Variants in SI observed in about 807,000 individuals in gnomAD.
SI encodes sucrase-isomaltase, intestinal.
In SI, 235 loss-of-function variants were observed where a neutral mutation model predicts 253.3. The observed-to-expected ratio is 0.93, with a 90% CI of 0.83 to 1.03. SI has a LOEUF of 1.03. SI is among the 50% of genes least tolerant of loss of function. The pLI, the probability that SI is intolerant of heterozygous loss-of-function variation, is 0.00. For missense variants in SI, 2,442 were observed against 2,211.1 expected (o/e 1.10, Z -2.09); for synonymous variants, 819 against 712.0 (o/e 1.15, Z -2.39).
the SI span, among the ~76,000 whole-genome samples, chr3:165,090,074 G>A: frequency 3.9e-5 from 6 of 151,916 alleles, no homozygotes; most frequent in South Asian, 1.0e-3. Context: ...AACCTTGAAT[G>A]TAATGGTATT....
chr3:165,003,047 A>G (rs1026211061), intron 37 of SI, among the ~76,000 whole-genome samples: 6 of 151,878 alleles, frequency 4.0e-5, no homozygotes, highest in Non-Finnish European at 8.8e-5. Flanking sequence ...ATATCTCTGC[A>G]TATGGACTAT....
rs1714188342 is a variant in SI, at chr3:165,065,404, A to G, written c.664T>C (p.Tyr222His). The change falls in exon 7 of 48, where the codon TAC becomes CAC. Residue 222 changes from tyrosine to histidine, a missense_variant. Coordinates refer to ENST00000264382, the MANE Select transcript of SI (RefSeq NM_001041.4). ...LFDTSIGPLV[Y>H]SDQYLQISTR... is the part of the protein sequence containing the mutation. ...GAGATCTGTAAGTACTGGTCAGAGTACACTAAGGGACCAATGCTGGTGTCA... is the reference window on the plus strand; with the variant it reads ...GAGATCTGTAAGTACTGGTCAGAGTGCACTAAGGGACCAATGCTGGTGTCA... 1.3e-6 allele frequency: 2 copies of G among 1,564,270 alleles called. No individual in the cohort carries two copies. Among genetic ancestry groups the G allele is most frequent in the Middle Eastern group, 1.8e-4 (1 of 5,548 alleles).
chr3:165,068,402 G>A (rs1714367017), intron 5 of SI, among the ~76,000 whole-genome samples: 1 of 152,148 alleles, frequency 6.6e-6, no homozygotes, highest in South Asian at 2.1e-4. Context: ...TTTCTCAAGA[G>A]AGAAAATGTA....
At chr3:165,022,863 A>G (rs1711700177) in intron 26 of SI, among the ~76,000 whole-genome samples, 1 of 151,650 alleles carries the variant, frequency 6.6e-6, no homozygotes, top group South Asian at 2.1e-4. Flanking sequence ...AAGTGAATTA[A>G]CATTTAAAAT....
At chr3:165,059,813 G>A (rs1713899711) in intron 10 of SI, 89 bp downstream of exon 10, 2 of 1,311,404 alleles carry the variant, frequency 1.5e-6, no homozygotes, top group Non-Finnish European at 2.2e-6. Context: ...AATGTATATA[G>A]TAGATACTCC....
At chr3:164,991,177 C>T (rs1051988255) in intron 44 of SI, among the ~76,000 whole-genome samples, 176 bp downstream of exon 44, 13 of 152,090 alleles carry the variant, frequency 8.5e-5, no homozygotes, top group African/African-American at 3.1e-4. Flanking sequence ...GTTCCTGTTT[C>T]TTGCTATGCT....
At chr3:165,058,886 A>ACACACACG (rs1318850807) in intron 12 of SI, 77 bp downstream of exon 12, 66 of 1,199,634 alleles carry the variant, frequency 5.5e-5, no homozygotes, top group East Asian at 2.4e-5. Context: ...ACACACACAC[A>ACACACACG]CGCACATCCA....
At chr3:165,084,296 T>C in the SI span, among the ~76,000 whole-genome samples, 5 of 152,172 alleles carry the variant, frequency 3.3e-5, no homozygotes, top group Non-Finnish European at 7.4e-5. Flanking sequence ...ATTAAATTTC[T>C]ATTGTTTACA....
Position 165,055,241 on chromosome 3 carries a change from C to T in SI, c.1465G>A (p.Glu489Lys). The change falls in exon 13 of 48, where the codon GAA becomes AAA. Residue 489 changes from glutamate to lysine, a missense_variant. By Grantham distance (56) the Glu-to-Lys change is moderately conservative. Transcript: ENST00000264382. ...NPNCIDWWAN[E>K]CSIFHQEVQY... ...ACTTCTTGATGGAAAATACTGCATTCATTTGCCCACCAATCAATGCAGTTT... is the reference window on the plus strand; with the variant it reads ...ACTTCTTGATGGAAAATACTGCATTTATTTGCCCACCAATCAATGCAGTTT... The T allele has an allele frequency of 3.1e-6, 5 of 1,611,870 alleles. No individual in the cohort carries two copies. The highest frequency in any genetic ancestry group is 4.2e-6 in the Non-Finnish European group (5 of 1,178,524).
At chr3:165,034,550 T>C (rs1168613395) in intron 22 of SI, among the ~76,000 whole-genome samples, 2 of 151,974 alleles carry the variant, frequency 1.3e-5, no homozygotes, top group Non-Finnish European at 2.9e-5. Context: ...AGCCAGAGAA[T>C]AGGTTTGGAA....
At chr3:165,084,374 T>C in the SI span, among the ~76,000 whole-genome samples, 1 of 152,072 alleles carries the variant, frequency 6.6e-6, no homozygotes, top group African/African-American at 2.4e-5. Flanking sequence ...GAAGAGCTGG[T>C]TGATTTCAAA....
At chr3:165,078,217 T>A (rs948939204) in intron 1 of SI, among the ~76,000 whole-genome samples, 5 of 151,292 alleles carry the variant, frequency 3.3e-5, no homozygotes, top group African/African-American at 1.2e-4. Context: ...TAATGAAGAG[T>A]TGGGCCAAAA....
rs745352284 is a variant in SI at position 165,067,414 on chromosome 3, A to G, written c.561T>C (p.Asp187=). ...VKEFTGPTVS[D]TLYDVKVAQN... ...GGGCAACCTTCACATCATACAACGTATCAGAAACTGTGGGTCCAGTAAACT... is the reference window on the plus strand; with the variant it reads ...GGGCAACCTTCACATCATACAACGTGTCAGAAACTGTGGGTCCAGTAAACT... Residue 187 remains aspartate (D), a synonymous_variant, in exon 6 of 48, where the codon GAT becomes GAC. Coordinates refer to ENST00000264382, the MANE Select transcript of SI (RefSeq NM_001041.4). 6.2e-7 allele frequency: 1 copy of G among 1,612,434 alleles called. No individual in the cohort carries two copies. Among genetic ancestry groups the G allele is most frequent in the Non-Finnish European group, 8.5e-7 (1 of 1,178,818 alleles).
intron 3 of SI, among the ~76,000 whole-genome samples, chr3:165,072,649 C>G (rs1279847671): frequency 6.6e-6 from 1 of 151,950 alleles, no homozygotes; most frequent in Non-Finnish European, 1.5e-5. Flanking sequence ...AGTTAAAGAA[C>G]AGTGACTACT....
intron 46 of SI, among the ~76,000 whole-genome samples, chr3:164,982,729 C>T (rs564829718): frequency 1.2e-3 from 182 of 152,210 alleles, no homozygotes; most frequent in African/African-American, 3.7e-3. Context: ...GCAGTCATGG[C>T]TCACTGCCAT....
intron 2 of SI, 106 bp downstream of exon 2, chr3:165,075,789 A>T: frequency 1.5e-6 from 1 of 675,696 alleles, no homozygotes; most frequent in East Asian, 2.6e-5. Flanking sequence ...ATTTTTCTAT[A>T]AGTGTTTCAT....
rs374829487 is a variant in SI at position 165,040,899 on chromosome 3, CT to C, written c.2159+40del. ...ACTTTTCTGTGTATGTTTGAACATACTTTAAAAGGTATTATTATAATTATTG... is the reference window on the plus strand; with the variant it reads ...ACTTTTCTGTGTATGTTTGAACATACTTAAAAGGTATTATTATAATTATTG... On this transcript the variant is annotated intron_variant, in intron 18 of 47. Coordinates refer to ENST00000264382, the MANE Select transcript of SI (RefSeq NM_001041.4). 1.3e-5 allele frequency: 19 copies of C among 1,510,896 alleles called. No individual in the cohort carries two copies. In the African/African-American group the frequency reaches 1.6e-4, roughly 13 times the overall value. The allele number at this position is 1,510,896 out of a possible 1,614,324, so 93.6% of individuals were successfully genotyped here.
intron 15 of SI, among the ~76,000 whole-genome samples, chr3:165,047,245 T>C (rs2108228973): frequency 6.6e-6 from 1 of 152,098 alleles, no homozygotes; most frequent in African/African-American, 2.4e-5. Flanking sequence ...TGATAGTTAA[T>C]GAGTCTCATG....
chr3:165,081,767 T>C (rs933139430), upstream of SI, among the ~76,000 whole-genome samples: 1 of 151,834 alleles, frequency 6.6e-6, no homozygotes, highest in African/African-American at 2.4e-5. Flanking sequence ...TTGAGTTCTT[T>C]CTCCTAGAAG....
Sources: gnomAD v4.1 joint callset for allele counts (sites outside exome capture counted in the v4.1 genomes callset) on GRCh38, gnomAD v4.1.1 for gene constraint, MANE v1.5 for transcripts, NCBI Gene and HGNC (gene_info 2026-07-23, HGNC 2026-07-21) for gene names.